The following LRIG1 variants were observed in gnomAD, a reference collection of about 807,000 sequenced individuals.
The protein encoded by LRIG1 is leucine rich repeats and immunoglobulin like domains 1.
A neutral mutation model predicts 99.2 loss-of-function variants in LRIG1; 48 were observed. The ratio of observed to expected loss-of-function variants is 0.48; its 90% CI spans 0.38 to 0.62. The LOEUF (loss-of-function observed/expected upper bound fraction) is 0.62. Ranked by LOEUF, LRIG1 falls within the 20% of genes least tolerant of loss-of-function variation. The pLI, the probability that LRIG1 is intolerant of heterozygous loss-of-function variation, is 0.00. For missense variants in LRIG1, 1,646 were observed against 1,434.4 expected (o/e 1.15, Z -2.38); for synonymous variants, 772 against 596.1 (o/e 1.29, Z -4.30).
intron 3 of LRIG1, among the ~76,000 whole-genome samples, chr3:66,447,090 TGA>T (rs1703756218): frequency 1.3e-5 from 2 of 152,168 alleles, no homozygotes; most frequent in Non-Finnish European, 2.9e-5. Flanking sequence ...GATTTTTTTG[TGA>T]GTACATAGTA....
intron 1 of LRIG1, among the ~76,000 whole-genome samples, chr3:66,463,112 G>A (rs147073578): frequency 2.5e-3 from 374 of 152,232 alleles, no homozygotes; most frequent in African/African-American, 8.7e-3. Flanking sequence ...TGCACAGGCA[G>A]CCCTGCACGA....
At chr3:66,458,947 G>A (rs1700292337) in intron 2 of LRIG1, among the ~76,000 whole-genome samples, 1 of 151,420 alleles carries the variant, frequency 6.6e-6, no homozygotes, top group Non-Finnish European at 1.5e-5. Flanking sequence ...AACCGAAGAG[G>A]CGGAGGTTGC....
rs376106916 is a variant in LRIG1 at position 66,384,305 on chromosome 3, G to A, written c.1790-33C>T. 79 of 1,587,466 alleles carry A rather than the reference G, an allele frequency of 5.0e-5. 1 individual carries two copies. The highest frequency in any genetic ancestry group is 1.7e-4 in the Middle Eastern group (1 of 5,932). On this transcript the variant is annotated intron_variant, in intron 13 of 18. Coordinates refer to ENST00000273261, the MANE Select transcript of LRIG1 (RefSeq NM_015541.3). The stretch of plus-strand genomic sequence containing the variant: ...ACATACGTATACAGGGTCGGGTTAC[G>A]GGACAGCTAGATGCAAAACCAGGAA...
intron 2 of LRIG1, among the ~76,000 whole-genome samples, chr3:66,459,248 G>A (rs544580035): frequency 6.6e-6 from 1 of 152,310 alleles, no homozygotes; most frequent in Non-Finnish European, 1.5e-5. Context: ...ACAGGCTGCA[G>A]GTCACGGGAG....
chr3:66,436,900 T>C (rs1167998809), intron 3 of LRIG1, among the ~76,000 whole-genome samples: 2 of 152,210 alleles, frequency 1.3e-5, no homozygotes, highest in East Asian at 1.9e-4. Flanking sequence ...CTGCTTGTCC[T>C]TGGAGACTCA....
intron 3 of LRIG1, among the ~76,000 whole-genome samples, chr3:66,421,130 T>C (rs561031176): frequency 6.6e-6 from 1 of 152,274 alleles, no homozygotes; most frequent in South Asian, 2.1e-4. Context: ...CACATAGGAA[T>C]TGTGGGAGTC....
In LRIG1 at chr3:66,380,180, G is replaced by A. The variant is rs987995754; in HGVS notation, c.*83C>T. ...TTACAACTATGTACAGATGAGTGACGCTTGAACCCAAGCTTCCTCGCAGCC... is the reference window on the plus strand; with the variant it reads ...TTACAACTATGTACAGATGAGTGACACTTGAACCCAAGCTTCCTCGCAGCC... On this transcript the variant is annotated 3_prime_UTR_variant, in exon 19 of 19. Coordinates refer to ENST00000273261, the MANE Select transcript of LRIG1 (RefSeq NM_015541.3). The A allele has an allele frequency of 1.5e-4, 171 of 1,146,194 alleles. No individual in the cohort carries two copies. Among genetic ancestry groups the A allele is most frequent in the Non-Finnish European group, 1.8e-4 (147 of 804,404 alleles). The allele number at this position is 1,146,194 out of a possible 1,614,324, so 71.0% of individuals were successfully genotyped here. A position where few individuals can be genotyped will look rare whatever the true frequency, so the allele number is the denominator to read the frequency against.
chr3:66,401,029 C>T (rs893720303), intron 9 of LRIG1, among the ~76,000 whole-genome samples: 1 of 152,196 alleles, frequency 6.6e-6, no homozygotes, highest in African/African-American at 2.4e-5. Flanking sequence ...GACCCCAGCA[C>T]TAACTGCAAG....
At chr3:66,428,953 G>T (rs549117593) in intron 3 of LRIG1, among the ~76,000 whole-genome samples, 2 of 152,292 alleles carry the variant, frequency 1.3e-5, no homozygotes. Flanking sequence ...TGCAGATGAC[G>T]TTCCAGATCT....
chr3:66,485,260 G>C (rs1250354181), intron 1 of LRIG1, among the ~76,000 whole-genome samples: 1 of 152,064 alleles, frequency 6.6e-6, no homozygotes, highest in Non-Finnish European at 1.5e-5. Flanking sequence ...ATGAAGGGTG[G>C]GGGCAGTGGG....
intron 9 of LRIG1, chr3:66,404,335 G>GAATC: frequency 7.8e-7 from 1 of 1,286,974 alleles, no homozygotes; most frequent in Non-Finnish European, 1.0e-6. Flanking sequence ...CGGGCTGGGG[G>GAATC]AATCGAGCGG....
Position 66,392,913 on chromosome 3 carries a change from A to G in LRIG1, c.1468+1127T>C, listed in dbSNP as rs1701681576. On this transcript the variant is annotated intron_variant, in intron 12 of 18. Transcript: ENST00000273261. Reference sequence around the variant, plus strand: ...GCTGTGCGAGCATTAGATTCCACACAGAAGGCTCCATAAGACAGATCGGTA... The same window carrying G: ...GCTGTGCGAGCATTAGATTCCACACGGAAGGCTCCATAAGACAGATCGGTA... Among the ~76,000 whole-genome samples the G allele has an allele frequency of 2.0e-5, 3 of 152,246 alleles. No individual in the cohort carries two copies. In the South Asian group the frequency reaches 6.2e-4, roughly 31 times the overall value.
rs531477337 is a variant in LRIG1, at chr3:66,407,722, G to A, written c.936-231C>T. On this transcript the variant is annotated intron_variant, in intron 7 of 18. Coordinates refer to ENST00000273261, the MANE Select transcript of LRIG1 (RefSeq NM_015541.3). The stretch of plus-strand genomic sequence containing the variant: ...CACACTAGTCTGACTCGTAGAATGG[G>A]TGCATAGGTCACAGGGGCCAGGGTG... Among the ~76,000 whole-genome samples the A allele has an allele frequency of 2.6e-5, 4 of 152,336 alleles. No individual in the cohort carries two copies. In the South Asian group the frequency reaches 6.2e-4, roughly 24 times the overall value.
intron 15 of LRIG1, 116 bp from the exon 16 acceptor site, chr3:66,382,514 C>G: frequency 8.4e-7 from 1 of 1,194,486 alleles, no homozygotes; most frequent in Non-Finnish European, 1.2e-6. Flanking sequence ...CAGCGCTGTG[C>G]AGAGAGATGA....
At chr3:66,391,770 AATT>A (rs1325314278) in intron 12 of LRIG1, among the ~76,000 whole-genome samples, 1 of 152,118 alleles carries the variant, frequency 6.6e-6, no homozygotes, top group Non-Finnish European at 1.5e-5. Context: ...ATGATATATA[AATT>A]ATATTTCTTT....
chr3:66,462,353 G>T (rs1421974182), intron 2 of LRIG1, 85 bp downstream of exon 2: 4 of 923,898 alleles, frequency 4.3e-6, no homozygotes, highest in Non-Finnish European at 7.0e-6. Context: ...CGGATCTAGG[G>T]GAGTGAGCGA....
At chr3:66,428,479 A>T (rs1703053352) in intron 3 of LRIG1, among the ~76,000 whole-genome samples, 1 of 152,232 alleles carries the variant, frequency 6.6e-6, no homozygotes, top group Non-Finnish European at 1.5e-5. Flanking sequence ...ATGATCACAA[A>T]AAAAAAAGAA....
chr3:66,405,604 G>T, intron 8 of LRIG1: 1 of 578,848 alleles, frequency 1.7e-6, no homozygotes, highest in Non-Finnish European at 2.6e-6. Flanking sequence ...TCTGGCCCCA[G>T]CACTGAGAAT....
At chr3:66,475,463 G>A (rs1340128549) in intron 1 of LRIG1, among the ~76,000 whole-genome samples, 2 of 152,168 alleles carry the variant, frequency 1.3e-5, no homozygotes, top group Non-Finnish European at 2.9e-5. Flanking sequence ...CTGTACTCCA[G>A]CTAAGTCTCC....
Sources: gnomAD v4.1 joint callset for allele counts (sites outside exome capture counted in the v4.1 genomes callset) on GRCh38, gnomAD v4.1.1 for gene constraint, MANE v1.5 for transcripts, NCBI Gene and HGNC (gene_info 2026-07-23, HGNC 2026-07-21) for gene names.